The following RIMS1 variants were observed in gnomAD, a reference collection of about 807,000 sequenced individuals.
The protein encoded by RIMS1 is regulating synaptic membrane exocytosis 1, also known as regulating synaptic membrane exocytosis protein 1.
Under a neutral mutation model 214.1 loss-of-function variants are expected in RIMS1, and 83 were observed. The observed-to-expected ratio is 0.39, with a 90% CI of 0.32 to 0.47. RIMS1 has a LOEUF of 0.47. Ranked by LOEUF, RIMS1 falls within the 20% of genes least tolerant of loss-of-function variation. The pLI is 0.99. For missense variants in RIMS1, 2,050 were observed against 2,161.8 expected, an observed-to-expected ratio of 0.95 and a Z score of 1.03; for synonymous variants, 793 against 786.8, an observed-to-expected ratio of 1.01 and a Z score of -0.13.
chr6:72,214,354 T>C (rs757376994), intron 6 of RIMS1, among the ~76,000 whole-genome samples: 1 of 152,104 alleles, frequency 6.6e-6, no homozygotes, highest in Non-Finnish European at 1.5e-5. Flanking sequence ...AAAAATTGCT[T>C]TTCTAACAGA....
chr6:72,133,612 G>T (rs2040807456), intron 4 of RIMS1, among the ~76,000 whole-genome samples: 1 of 152,126 alleles, frequency 6.6e-6, no homozygotes, highest in Non-Finnish European at 1.5e-5. Context: ...ATGTAATTTA[G>T]AGTCAAATAT....
intron 29 of RIMS1, among the ~76,000 whole-genome samples, chr6:72,381,575 G>A (rs1279062723): frequency 6.6e-6 from 1 of 152,190 alleles, no homozygotes; most frequent in Non-Finnish European, 1.5e-5. Context: ...ATATTTTTGG[G>A]CAGCCTTATT....
intron 29 of RIMS1, among the ~76,000 whole-genome samples, chr6:72,346,481 G>A (rs1277296398): frequency 2.0e-5 from 3 of 151,678 alleles, no homozygotes; most frequent in Non-Finnish European, 2.9e-5. Flanking sequence ...GTTCACATAC[G>A]CCACTGTGTA....
intron 2 of RIMS1, among the ~76,000 whole-genome samples, chr6:72,017,639 A>G (rs1172180148): frequency 6.6e-6 from 1 of 152,236 alleles, no homozygotes; most frequent in African/African-American, 2.4e-5. Context: ...GAGATACAGT[A>G]GTAAATAAGA....
chr6:72,274,187 T>A (rs1486873524), intron 22 of RIMS1, among the ~76,000 whole-genome samples, 162 bp from the exon 23 acceptor site: 1 of 152,228 alleles, frequency 6.6e-6, no homozygotes, highest in African/African-American at 2.4e-5. Flanking sequence ...TTGTAACTTA[T>A]CTTTCCAAGG....
At chr6:72,266,209 G>A in intron 22 of RIMS1, 160 bp downstream of exon 22, 1 of 674,918 alleles carries the variant, frequency 1.5e-6, no homozygotes, top group Non-Finnish European at 2.7e-6. Flanking sequence ...TCTATTTAGA[G>A]ATATGCGTAT....
intron 6 of RIMS1, among the ~76,000 whole-genome samples, chr6:72,191,613 G>T (rs1227777818): frequency 1.3e-5 from 2 of 152,240 alleles, no homozygotes; most frequent in African/African-American, 4.8e-5. Context: ...AAGGTATATT[G>T]CTGGCCTTGC....
chr6:72,016,691 T>C (rs1812865847), intron 2 of RIMS1, among the ~76,000 whole-genome samples: 2 of 152,218 alleles, frequency 1.3e-5, no homozygotes, highest in African/African-American at 4.8e-5. Flanking sequence ...CCTTATTTTT[T>C]ATTCTAGAAG....
chr6:72,302,224 A>G (rs902196869), intron 26 of RIMS1, among the ~76,000 whole-genome samples: 4 of 151,538 alleles, frequency 2.6e-5, no homozygotes, highest in East Asian at 3.9e-4. Context: ...GGTTCTTACT[A>G]TTTTGCCACA....
chr6:71,968,882 ACTTTCC>A, intron 1 of RIMS1, 95 bp from the exon 2 acceptor site: 3 of 1,205,832 alleles, frequency 2.5e-6, no homozygotes, highest in Non-Finnish European at 2.4e-6. Flanking sequence ...GCTTTCAAAG[ACTTTCC>A]CTTAGAGTGT....
chr6:72,375,523 A>G (rs577889059), intron 29 of RIMS1, among the ~76,000 whole-genome samples: 27 of 152,206 alleles, frequency 1.8e-4, no homozygotes, highest in Non-Finnish European at 3.4e-4. Context: ...ACATGTAGTT[A>G]GTTATCATAA....
At chr6:72,312,337 C>T (rs552801431) in intron 27 of RIMS1, among the ~76,000 whole-genome samples, 37 of 152,122 alleles carry the variant, frequency 2.4e-4, no homozygotes, top group African/African-American at 8.9e-4. Context: ...AGTATCTTAC[C>T]TTCCAGTATC....
chr6:72,266,025 G>A lies in RIMS1; in HGVS notation c.3374G>A (p.Ser1125Asn). The change falls in exon 22 of 34, where the codon AGT (serine) becomes AAT (asparagine). Residue 1125 changes from serine to asparagine, a missense_variant. This residue lies in a region of RIMS1 where 889 missense variants were observed against 885.5 expected (regional missense o/e 1.00). Coordinates refer to ENST00000521978, the MANE Select transcript of RIMS1 (RefSeq NM_014989.7). ...ACCAACTGCTTGAGACCAGATACTAGTTTGCATTCACCAGAACGAGAAAGG... is the reference window on the plus strand; with the variant it reads ...ACCAACTGCTTGAGACCAGATACTAATTTGCATTCACCAGAACGAGAAAGG... ...ASTNCLRPDT[S>N]LHSPERERGR... 6.3e-7 allele frequency: 1 copy of A among 1,583,200 alleles called. No individual in the cohort carries two copies. The highest frequency in any genetic ancestry group is 2.3e-5 in the East Asian group (1 of 43,724).
intron 1 of RIMS1, among the ~76,000 whole-genome samples, chr6:71,932,287 T>C (rs571198064): frequency 5.3e-5 from 8 of 152,226 alleles, no homozygotes; most frequent in Admixed American, 3.9e-4. Flanking sequence ...CGGAATACCA[T>C]GCAGCCATAA....
chr6:72,114,468 A>C (rs542964619), intron 4 of RIMS1, among the ~76,000 whole-genome samples: 2 of 152,146 alleles, frequency 1.3e-5, no homozygotes, highest in South Asian at 4.1e-4. Context: ...TCATTTGATT[A>C]ATTTATGTCA....
Position 72,153,186 on chromosome 6 carries a change from C to T in RIMS1, c.472-26389C>T, listed in dbSNP as rs1257213305. ...TATTCCCCTTATGTCCTCCAATAGACCTCATAACGAATTGCATGTGAGACC... is the reference window on the plus strand; with the variant it reads ...TATTCCCCTTATGTCCTCCAATAGATCTCATAACGAATTGCATGTGAGACC... On this transcript the variant is annotated intron_variant, in intron 4 of 33. Coordinates refer to ENST00000521978, the MANE Select transcript of RIMS1 (RefSeq NM_014989.7). Among the ~76,000 whole-genome samples, 3 of 149,508 alleles carry T rather than the reference C, an allele frequency of 2.0e-5. No individual in the cohort carries two copies. The Admixed American group carries it at 2.0e-4, about 10-fold the overall frequency.
rs1025040206 is a variant in RIMS1 at position 72,079,510 on chromosome 6, C to A, written c.246-17439C>A. Among the ~76,000 whole-genome samples, 3 of 152,176 alleles carry A rather than the reference C, an allele frequency of 2.0e-5. No homozygotes were observed. In the East Asian group the frequency reaches 5.8e-4, roughly 29 times the overall value. On this transcript the variant is annotated intron_variant, in intron 2 of 33. Coordinates refer to ENST00000521978, the MANE Select transcript of RIMS1 (RefSeq NM_014989.7). ...ACAGTTTTCTTTGATGTCACTCAGG[C>A]TCAGAAAGTTGAACACCCTTCACTT...
chr6:72,284,193 A>G, intron 24 of RIMS1, 75 bp downstream of exon 24: 1 of 1,255,472 alleles, frequency 8.0e-7, no homozygotes, highest in South Asian at 1.3e-5. Flanking sequence ...CTCTCATTTT[A>G]CATGATCAGT....
chr6:72,353,787 C>T (rs1189721221), intron 29 of RIMS1, among the ~76,000 whole-genome samples: 1 of 152,174 alleles, frequency 6.6e-6, no homozygotes, highest in African/African-American at 2.4e-5. Flanking sequence ...ATCATTTACT[C>T]TTCCAGGTTG....
Sources: allele counts gnomAD v4.1 joint callset (sites outside exome capture counted in the v4.1 genomes callset), GRCh38; gene constraint gnomAD v4.1.1; regional missense constraint gnomAD v4.1.1; transcripts MANE v1.5; gene names NCBI Gene and HGNC (gene_info 2026-07-23, HGNC 2026-07-21).